TNRC6B: variants seen among roughly 807,000 people sequenced by gnomAD.
TNRC6B encodes trinucleotide repeat-containing gene 6B protein.
In TNRC6B, 52 loss-of-function variants were observed where a neutral mutation model predicts 203.6. The observed-to-expected ratio is 0.26, with a 90% CI of 0.20 to 0.32. The LOEUF (loss-of-function observed/expected upper bound fraction) is 0.32. TNRC6B is among the 10% of genes least tolerant of loss of function. TNRC6B has a pLI of 1.00. For missense variants in TNRC6B, 1,923 were observed against 2,286.2 expected, an observed-to-expected ratio of 0.84 and a Z score of 3.24; for synonymous variants, 838 against 845.7, an observed-to-expected ratio of 0.99 and a Z score of 0.16.
intron 3 of TNRC6B, among the ~76,000 whole-genome samples, chr22:40,147,519 A>T (rs972406116): frequency 1.3e-5 from 2 of 152,044 alleles, no homozygotes; most frequent in African/African-American, 4.8e-5. Context: ...ATCTGTTGTC[A>T]GGGGAGGCCC....
At chr22:40,235,372 A>G (rs2069933802) in intron 1 of TNRC6B, among the ~76,000 whole-genome samples, 1 of 151,992 alleles carries the variant, frequency 6.6e-6, no homozygotes, top group African/African-American at 2.4e-5. Context: ...GTCCCGTGGG[A>G]GCTTTTTTCT....
In TNRC6B at chr22:40,270,262, C is replaced by G; in HGVS notation, c.2947C>G (p.Pro983Ala). Residue 983 changes from proline to alanine, a missense_variant, in exon 6 of 23, where the codon CCC becomes GCC. Physicochemically the swap from Pro to Ala is conservative, Grantham distance 27. Coordinates refer to ENST00000454349, the MANE Select transcript of TNRC6B (RefSeq NM_001162501.2). ...CTGGGGGAACACGCCCGCCAACGCT[C>G]CCAATGCCATGAAGCCTAGTAAGTG... The part of the protein sequence containing the change: ...TGWGNTPANA[P>A]NAMKPNSKSM... 1 of 1,464,356 alleles carries G rather than the reference C, an allele frequency of 6.8e-7. No individual in the cohort carries two copies. Among genetic ancestry groups the G allele is most frequent in the Non-Finnish European group, 9.1e-7 (1 of 1,102,602 alleles). The allele number at this position is 1,464,356 out of a possible 1,614,324, so 90.7% of individuals were successfully genotyped here.
intron 1 of TNRC6B, among the ~76,000 whole-genome samples, chr22:40,194,942 C>G (rs1167918172): frequency 6.6e-6 from 1 of 152,190 alleles, no homozygotes; most frequent in Non-Finnish European, 1.5e-5. Context: ...CACTCAGGGT[C>G]TAGGCCCTTT....
chr22:40,149,870 C>G (rs962922757), intron 3 of TNRC6B, among the ~76,000 whole-genome samples: 1 of 152,052 alleles, frequency 6.6e-6, no homozygotes, highest in African/African-American at 2.4e-5. Context: ...GCCATCATAG[C>G]TCACTGCAGC....
At position 40,328,886 on chromosome 22, in the gene TNRC6B, G is replaced by A. The variant is rs2071432620; in HGVS notation, c.*5645G>A. 1 of 152,234 alleles carries A rather than the reference G, an allele frequency of 6.6e-6. No individual in the cohort carries two copies. The highest frequency in any genetic ancestry group is 2.4e-5 in the African/African-American group (1 of 41,348). The allele number at this position is 152,234 out of a possible 1,614,324, so 9.4% of individuals were successfully genotyped here. On this transcript the variant is annotated 3_prime_UTR_variant, in exon 23 of 23. Coordinates refer to ENST00000454349, the MANE Select transcript of TNRC6B (RefSeq NM_001162501.2). Reference sequence around the variant, plus strand: ...TTAGATTTGAGATTTTTGTTTTTAAGTATCTATAAGATCTTTAGAAGTGAG... The same window carrying A: ...TTAGATTTGAGATTTTTGTTTTTAAATATCTATAAGATCTTTAGAAGTGAG...
intron 1 of TNRC6B, among the ~76,000 whole-genome samples, chr22:40,081,723 G>A (rs1484636171): frequency 6.6e-6 from 1 of 152,152 alleles, no homozygotes; most frequent in Non-Finnish European, 1.5e-5. Context: ...TCTCTGAAAC[G>A]CTTAGCTCTA....
In TNRC6B at chr22:40,312,665, G is replaced by A. The variant is rs1221028428; in HGVS notation, c.4582+14G>A. ...ATAACACCACAGGTACTTGAGCAAAGCATCTCTTATATGTTCAACACCCAG... is the reference window on the plus strand; with the variant it reads ...ATAACACCACAGGTACTTGAGCAAAACATCTCTTATATGTTCAACACCCAG... On this transcript the variant is annotated intron_variant, in intron 18 of 22. Coordinates refer to ENST00000454349, the MANE Select transcript of TNRC6B (RefSeq NM_001162501.2). 6.2e-7 allele frequency: 1 copy of A among 1,606,218 alleles called. No individual in the cohort carries two copies. The highest frequency in any genetic ancestry group is 2.2e-5 in the East Asian group (1 of 44,816).
At chr22:40,247,110 C>G (rs1268991553) in intron 2 of TNRC6B, among the ~76,000 whole-genome samples, 2 of 152,150 alleles carry the variant, frequency 1.3e-5, no homozygotes, top group Non-Finnish European at 2.9e-5. Context: ...GTTTCCCCAC[C>G]TTACCATTCT....
chr22:40,079,944 T>C (rs2068051468), intron 1 of TNRC6B, among the ~76,000 whole-genome samples: 1 of 152,086 alleles, frequency 6.6e-6, no homozygotes. Context: ...TACAGGCGCC[T>C]GCCACCACGC....
chr22:40,292,695 T>C (rs1407968682), intron 12 of TNRC6B, among the ~76,000 whole-genome samples: 5 of 152,232 alleles, frequency 3.3e-5, no homozygotes, highest in Non-Finnish European at 7.3e-5. Flanking sequence ...AGCAGGTGTT[T>C]GCCTGGAGCC....
At chr22:40,123,234 G>C (rs1239219935) in intron 2 of TNRC6B, among the ~76,000 whole-genome samples, 2 of 152,120 alleles carry the variant, frequency 1.3e-5, no homozygotes, top group East Asian at 3.8e-4. Context: ...TGATAGCATG[G>C]GGGAGGAGAG....
In TNRC6B at chr22:40,265,498, G is replaced by T. The variant is rs201057205; in HGVS notation, c.1268G>T (p.Gly423Val). 2.1e-4 allele frequency: 346 copies of T among 1,613,962 alleles called. 2 individuals carry two copies. The Middle Eastern group carries it at 4.8e-3, about 22-fold the overall frequency. ...GGAGATCGAAAGACTGGGAGTGTTG[G>T]ATCTTGGGGTGCAGCTAGGGGGCCT... ...STGDRKTGSV[G>V]SWGAARGPSG... Residue 423 changes from glycine (G) to valine (V), a missense_variant, in exon 5 of 23, where the codon GGA becomes GTA. Gly to Val is a moderately radical substitution (Grantham distance 109). Transcript: ENST00000454349.
At chr22:40,049,419 C>G (rs1356132498) in intron 1 of TNRC6B, among the ~76,000 whole-genome samples, 1 of 152,076 alleles carries the variant, frequency 6.6e-6, no homozygotes, top group Non-Finnish European at 1.5e-5. Flanking sequence ...TGACTTCTAT[C>G]CCGGAGATAA....
At chr22:40,267,138 T>C in intron 5 of TNRC6B, 102 bp downstream of exon 5, 1 of 1,256,404 alleles carries the variant, frequency 8.0e-7, no homozygotes, top group Non-Finnish European at 1.1e-6. Flanking sequence ...TGTTCTGAGA[T>C]GCTTTCCTAC....
At chr22:40,241,479 C>G (rs928683441) in intron 1 of TNRC6B, among the ~76,000 whole-genome samples, 7 of 152,344 alleles carry the variant, frequency 4.6e-5, no homozygotes, top group Non-Finnish European at 8.8e-5. Flanking sequence ...AGCCTTAAAA[C>G]TTTTGAAGAT....
chr22:40,196,053 A>G (rs1247089589), intron 1 of TNRC6B, among the ~76,000 whole-genome samples: 2 of 148,666 alleles, frequency 1.3e-5, no homozygotes, highest in Non-Finnish European at 3.0e-5. Context: ...CTGGGATTAC[A>G]GGTGTGAGCC....
chr22:40,250,298 G>T (rs2070172726), intron 2 of TNRC6B, among the ~76,000 whole-genome samples: 1 of 152,086 alleles, frequency 6.6e-6, no homozygotes, highest in Admixed American at 6.6e-5. Context: ...TAAATTAGAT[G>T]CCCTCCTTTA....
chr22:40,125,748 C>T, intron 2 of TNRC6B: 1 of 1,550,064 alleles, frequency 6.5e-7, no homozygotes, highest in Non-Finnish European at 8.7e-7. Context: ...TCCTTACATA[C>T]TTTTTTCTTC....
At chr22:40,096,672 T>C (rs2068188113) in intron 1 of TNRC6B, among the ~76,000 whole-genome samples, 1 of 152,196 alleles carries the variant, frequency 6.6e-6, no homozygotes, top group Non-Finnish European at 1.5e-5. Context: ...TTTATAGTCA[T>C]GTGTTACATA....
Sources: gnomAD v4.1 joint callset for allele counts (sites outside exome capture counted in the v4.1 genomes callset) on GRCh38, gnomAD v4.1.1 for gene constraint, MANE v1.5 for transcripts, NCBI Gene and HGNC (gene_info 2026-07-23, HGNC 2026-07-21) for gene names.